CCSER1: variants seen among roughly 807,000 people sequenced by gnomAD.
CCSER1 encodes coiled-coil serine rich protein 1.
A neutral mutation model predicts 82.0 loss-of-function variants in CCSER1; 41 were observed. The ratio of observed to expected loss-of-function variants is 0.50; its 90% CI spans 0.39 to 0.65. CCSER1 has a LOEUF of 0.65. Among genes scored for constraint, CCSER1 ranks in the 30% least tolerant of loss-of-function variants. CCSER1 has a pLI of 0.00. For missense variants in CCSER1, 1,119 were observed against 1,064.2 expected (o/e 1.05, Z -0.72); for synonymous variants, 414 against 383.9 (o/e 1.08, Z -0.92).
chr4:90,523,537 T>C (rs1773389732), intron 5 of CCSER1, among the ~76,000 whole-genome samples: 1 of 152,200 alleles, frequency 6.6e-6, no homozygotes, highest in Non-Finnish European at 1.5e-5. Context: ...ACAGTGTTTA[T>C]ATGATATTAA....
intron 5 of CCSER1, among the ~76,000 whole-genome samples, chr4:90,516,544 A>G (rs1388560596): frequency 2.6e-5 from 4 of 152,170 alleles, no homozygotes; most frequent in Non-Finnish European, 5.9e-5. Flanking sequence ...ACTCAGCTAG[A>G]GCAAATCCAA....
chr4:90,713,971 G>A (rs999466239), intron 6 of CCSER1, among the ~76,000 whole-genome samples: 1 of 151,846 alleles, frequency 6.6e-6, no homozygotes, highest in African/African-American at 2.4e-5. Context: ...CTTGTGTTGT[G>A]TTTTTCAGCT....
intron 7 of CCSER1, among the ~76,000 whole-genome samples, chr4:90,783,404 A>G (rs2149622638): frequency 6.6e-6 from 1 of 152,334 alleles, no homozygotes; most frequent in East Asian, 1.9e-4. Context: ...ATAAACTGGT[A>G]GGGACACTTA....
intron 10 of CCSER1, among the ~76,000 whole-genome samples, chr4:91,400,488 A>G (rs1046484376): frequency 3.3e-5 from 5 of 150,214 alleles, no homozygotes; most frequent in African/African-American, 1.2e-4. Flanking sequence ...TATTACTTGT[A>G]GAATACCTAA....
At chr4:91,162,720 A>G (rs1369845320) in intron 10 of CCSER1, among the ~76,000 whole-genome samples, 1 of 152,082 alleles carries the variant, frequency 6.6e-6, no homozygotes, top group Non-Finnish European at 1.5e-5. Flanking sequence ...ATTTGCATAG[A>G]GGTGTTTATA....
At chr4:91,438,408 C>T (rs974106402) in intron 10 of CCSER1, among the ~76,000 whole-genome samples, 1 of 152,094 alleles carries the variant, frequency 6.6e-6, no homozygotes, top group Non-Finnish European at 1.5e-5. Context: ...TCCAACAGAC[C>T]TGCAGCTGAG....
At chr4:91,200,984 G>C (rs1735862509) in intron 10 of CCSER1, among the ~76,000 whole-genome samples, 1 of 151,928 alleles carries the variant, frequency 6.6e-6, no homozygotes, top group African/African-American at 2.4e-5. Context: ...TGGCTAAATG[G>C]AGAGGAAAAG....
chr4:91,201,684 G>T (rs187472598), intron 10 of CCSER1, among the ~76,000 whole-genome samples: 11 of 152,124 alleles, frequency 7.2e-5, no homozygotes, highest in Non-Finnish European at 1.6e-4. Context: ...ATGTGATTAC[G>T]TCTGAATTTC....
rs142632696 is a variant in CCSER1 at position 90,522,501 on chromosome 4, T to C, written c.1724+54147T>C. Among the ~76,000 whole-genome samples the C allele has an allele frequency of 1.2e-4, 19 of 152,266 alleles. 1 individual carries two copies. The highest frequency in any genetic ancestry group is 4.1e-4 in the African/African-American group (17 of 41,566). ...ACTGAAATCTGGTTTGGCTCTGTTATTCTTCTGCTAAGATATCTCCACATG... is the reference window on the plus strand; with the variant it reads ...ACTGAAATCTGGTTTGGCTCTGTTACTCTTCTGCTAAGATATCTCCACATG... On this transcript the variant is annotated intron_variant, in intron 5 of 10. Coordinates refer to ENST00000509176, the MANE Select transcript of CCSER1 (RefSeq NM_001145065.2).
intron 10 of CCSER1, among the ~76,000 whole-genome samples, chr4:91,529,355 G>A (rs1237677757): frequency 6.6e-6 from 1 of 152,120 alleles, no homozygotes; most frequent in Non-Finnish European, 1.5e-5. Flanking sequence ...CAAGACCCAT[G>A]TAGGGCAAGA....
chr4:90,510,986 G>T (rs1771411156), intron 5 of CCSER1, among the ~76,000 whole-genome samples: 1 of 152,166 alleles, frequency 6.6e-6, no homozygotes, highest in Non-Finnish European at 1.5e-5. Flanking sequence ...GAAAAGATTA[G>T]GGAGATGAGG....
chr4:90,701,872 G>A (rs944168954), intron 6 of CCSER1, among the ~76,000 whole-genome samples: 3 of 152,104 alleles, frequency 2.0e-5, no homozygotes, highest in African/African-American at 7.2e-5. Context: ...GGAGATTTTG[G>A]GTTGAGACGA....
chr4:91,458,419 C>A (rs1756320265), intron 10 of CCSER1, among the ~76,000 whole-genome samples: 1 of 152,090 alleles, frequency 6.6e-6, no homozygotes. Flanking sequence ...GTTTTGGGAA[C>A]TATAGCTTTG....
chr4:91,081,219 T>C (rs1722692508), intron 9 of CCSER1, among the ~76,000 whole-genome samples: 1 of 152,088 alleles, frequency 6.6e-6, no homozygotes, highest in South Asian at 2.1e-4. Flanking sequence ...CACGATCAAG[T>C]TGGCTTCATC....
intron 10 of CCSER1, among the ~76,000 whole-genome samples, chr4:91,503,974 G>C (rs560525069): frequency 1.3e-3 from 205 of 152,236 alleles, no homozygotes; most frequent in African/African-American, 4.7e-3. Context: ...ATCTCAGAGA[G>C]GATTCTTATA....
rs1480402105 is a variant in CCSER1, at chr4:91,072,712, G to T, written c.2173-13238G>T. Among the ~76,000 whole-genome samples, 9 of 151,950 alleles carry T rather than the reference G, an allele frequency of 5.9e-5. No individual in the cohort carries two copies. In the East Asian group the frequency reaches 1.5e-3, roughly 26 times the overall value. On this transcript the variant is annotated intron_variant, in intron 9 of 10. Transcript: ENST00000509176. ...CTCAGTATTCAACTCTGCTTTCTTTGATCTGTATATCCTTAGGAAAGTTAA... is the reference window on the plus strand; with the variant it reads ...CTCAGTATTCAACTCTGCTTTCTTTTATCTGTATATCCTTAGGAAAGTTAA...
At chr4:90,824,157 C>A (rs931755670) in intron 8 of CCSER1, among the ~76,000 whole-genome samples, 41 of 152,060 alleles carry the variant, frequency 2.7e-4, no homozygotes, top group Admixed American at 5.2e-4. Context: ...AAACATGTAT[C>A]CCTTTTCGTG....
intron 9 of CCSER1, among the ~76,000 whole-genome samples, chr4:91,045,208 C>G (rs1049224194): frequency 1.3e-5 from 2 of 152,126 alleles, no homozygotes; most frequent in East Asian, 1.9e-4. Context: ...GAGCCAGATC[C>G]TTTTTAACTT....
intron 5 of CCSER1, among the ~76,000 whole-genome samples, chr4:90,610,337 C>T (rs966235856): frequency 5.9e-5 from 9 of 151,690 alleles, no homozygotes; most frequent in Non-Finnish European, 1.0e-4. Context: ...TACAAAAGAT[C>T]GCAAGGAATC....
Sources: allele counts gnomAD v4.1 joint callset (sites outside exome capture counted in the v4.1 genomes callset), GRCh38; gene constraint gnomAD v4.1.1; transcripts MANE v1.5; gene names NCBI Gene and HGNC (gene_info 2026-07-23, HGNC 2026-07-21).